The following TUSC3 variants were observed in gnomAD, a reference collection of about 807,000 sequenced individuals.
TUSC3 encodes the protein dolichyl-diphosphooligosaccharide--protein glycosyltransferase subunit TUSC3.
In TUSC3, 45 loss-of-function variants were observed where a neutral mutation model predicts 44.8. The ratio of observed to expected loss-of-function variants is 1.00; its 90% confidence interval spans 0.79 to 1.29. TUSC3 has a LOEUF of 1.29. TUSC3 is among the 50% of genes most tolerant of loss of function. TUSC3 has a pLI of 0.00. For missense variants in TUSC3, 519 were observed against 437.9 expected, an observed-to-expected ratio of 1.19 and a Z score of -1.65; for synonymous variants, 212 against 152.9, an observed-to-expected ratio of 1.39 and a Z score of -2.85.
chr8:15,481,961 A>C lies in TUSC3; in HGVS notation n.92-1425A>C, dbSNP rs79236518. Among the ~76,000 whole-genome samples, 157 of 152,286 alleles carry C rather than the reference A, an allele frequency of 1.0e-3. 2 individuals are homozygous for C. In the East Asian group the frequency reaches 0.011, roughly 10 times the overall value. ...ACAGCATGTGATGCTATTTGATACC[A>C]TTTTACCACTTTGAAAATCGGAGTC... On this transcript the variant is annotated intron_variant and non_coding_transcript_variant, in intron 1 of 5. Transcript: ENST00000503191.
the TUSC3 span, among the ~76,000 whole-genome samples, chr8:15,822,637 G>C: frequency 2.6e-5 from 4 of 152,100 alleles, no homozygotes; most frequent in African/African-American, 9.7e-5. Context: ...GAGCTTTGGG[G>C]AATTCATGTT....
chr8:15,726,664 G>C (rs1223122591), intron 6 of TUSC3, among the ~76,000 whole-genome samples: 1 of 152,058 alleles, frequency 6.6e-6, no homozygotes, highest in African/African-American at 2.4e-5. Context: ...AAATTAGCCA[G>C]GCATGGTGGT....
intron 2 of TUSC3, among the ~76,000 whole-genome samples, chr8:15,520,702 C>T (rs1801285404): frequency 1.3e-5 from 2 of 152,172 alleles, no homozygotes; most frequent in Non-Finnish European, 2.9e-5. Context: ...ATATTTCTCT[C>T]TACCTATGCA....
the TUSC3 span, among the ~76,000 whole-genome samples, chr8:15,835,473 T>G: frequency 6.6e-6 from 1 of 152,184 alleles, no homozygotes; most frequent in South Asian, 2.1e-4. Flanking sequence ...TAGTTTGGTT[T>G]TTTAATCTTG....
At chr8:15,428,463 A>C (rs1357452985) in intron 1 of TUSC3, among the ~76,000 whole-genome samples, 3 of 152,022 alleles carry the variant, frequency 2.0e-5, no homozygotes, top group East Asian at 3.9e-4. Context: ...AGCATGATTT[A>C]TAGTCCTTTG....
chr8:15,430,952 C>T (rs1799866239), intron 1 of TUSC3, among the ~76,000 whole-genome samples: 1 of 151,688 alleles, frequency 6.6e-6, no homozygotes, highest in South Asian at 2.1e-4. Context: ...TGTCCTTTCC[C>T]CATTGTAATT....
intron 2 of TUSC3, among the ~76,000 whole-genome samples, chr8:15,514,344 T>C (rs918937283): frequency 6.6e-6 from 1 of 152,214 alleles, no homozygotes; most frequent in Non-Finnish European, 1.5e-5. Flanking sequence ...TATGTTTTCA[T>C]AACATTGTGC....
chr8:15,841,803 C>T, the TUSC3 span, among the ~76,000 whole-genome samples: 8 of 152,180 alleles, frequency 5.3e-5, no homozygotes, highest in Non-Finnish European at 8.8e-5. Context: ...TGTGAGCCAC[C>T]ACACCGGGCC....
At chr8:15,589,067 C>T (rs554617655) in intron 1 of TUSC3, among the ~76,000 whole-genome samples, 3 of 152,168 alleles carry the variant, frequency 2.0e-5, no homozygotes, top group Non-Finnish European at 2.9e-5. Flanking sequence ...CAACGACTTT[C>T]TTTGTCTCTT....
chr8:15,624,801 C>T (rs1023842144), intron 2 of TUSC3, among the ~76,000 whole-genome samples: 1 of 152,046 alleles, frequency 6.6e-6, no homozygotes, highest in African/African-American at 2.4e-5. Context: ...TGATGAAGTT[C>T]AGTTTATTAG....
intron 1 of TUSC3, among the ~76,000 whole-genome samples, chr8:15,590,691 A>T (rs1428601701): frequency 6.6e-6 from 1 of 151,688 alleles, no homozygotes; most frequent in Non-Finnish European, 1.5e-5. Context: ...TGCTTTTCTG[A>T]GACAGGGTTT....
intron 1 of TUSC3, among the ~76,000 whole-genome samples, chr8:15,541,639 T>C (rs1801695271): frequency 6.6e-6 from 1 of 152,178 alleles, no homozygotes; most frequent in Admixed American, 6.5e-5. Context: ...TCTTCAGCTT[T>C]TAAATTTTAA....
chr8:15,725,801 C>T (rs1047344578), intron 6 of TUSC3, among the ~76,000 whole-genome samples: 2 of 152,146 alleles, frequency 1.3e-5, no homozygotes, highest in Non-Finnish European at 2.9e-5. Flanking sequence ...GAATTGACTT[C>T]AGGGAATATG....
At chr8:15,794,945 T>A in the TUSC3 span, among the ~76,000 whole-genome samples, 2 of 152,074 alleles carry the variant, frequency 1.3e-5, no homozygotes, top group Admixed American at 1.3e-4. Context: ...CTGTGATGGG[T>A]TATCTCCCAA....
chr8:15,540,638 C>T, intron 1 of TUSC3, 70 bp downstream of exon 1: 1 of 1,456,346 alleles, frequency 6.9e-7, no homozygotes. Flanking sequence ...TGCCAGGCAG[C>T]CCTGCCGTGT....
intron 1 of TUSC3, among the ~76,000 whole-genome samples, chr8:15,554,103 A>T (rs1003451579): frequency 2.0e-5 from 3 of 151,528 alleles, no homozygotes; most frequent in Non-Finnish European, 4.4e-5. Flanking sequence ...TCTTCACATG[A>T]TTCAAGGGAC....
intron 6 of TUSC3, among the ~76,000 whole-genome samples, chr8:15,693,885 A>G (rs547946931): frequency 6.6e-6 from 1 of 152,008 alleles, no homozygotes; most frequent in Non-Finnish European, 1.5e-5. Flanking sequence ...TCAAAGAGCC[A>G]GTCTTTGACC....
chr8:15,428,826 T>C (rs1368949728), intron 1 of TUSC3, among the ~76,000 whole-genome samples: 2 of 152,322 alleles, frequency 1.3e-5, no homozygotes, highest in East Asian at 3.9e-4. Flanking sequence ...TGTTTGTTTT[T>C]TTCTTGTAAA....
chr8:15,560,767 C>A (rs779833994), intron 1 of TUSC3, among the ~76,000 whole-genome samples: 1 of 119,712 alleles, frequency 8.4e-6, no homozygotes, highest in Non-Finnish European at 1.8e-5. Context: ...TCTTCCATCG[C>A]TGATACCCTC....
Sources: allele counts gnomAD v4.1 joint callset (sites outside exome capture counted in the v4.1 genomes callset), GRCh38; gene constraint gnomAD v4.1.1; transcripts MANE v1.5; gene names NCBI Gene and HGNC (gene_info 2026-07-23, HGNC 2026-07-21).